RSPH14: variants seen among roughly 807,000 people sequenced by gnomAD.
RSPH14 encodes rhabdoid tumor deletion region gene 1.
A neutral mutation model predicts 26.7 loss-of-function variants in RSPH14; 20 were observed. That is an observed-to-expected ratio of 0.75 (90% CI 0.53 to 1.09). The LOEUF (loss-of-function observed/expected upper bound fraction) is 1.09, where lower values mean the gene tolerates loss of function less well. RSPH14 is among the 50% of genes least tolerant of loss of function. RSPH14 has a pLI of 0.00. For missense variants in RSPH14, 449 were observed against 457.2 expected, an observed-to-expected ratio of 0.98 and a Z score of 0.16; for synonymous variants, 177 against 189.3, an observed-to-expected ratio of 0.93 and a Z score of 0.53.
intron 4 of RSPH14, chr22:23,123,201 C>T (rs768904384): frequency 4.3e-6 from 7 of 1,613,836 alleles, no homozygotes; most frequent in East Asian, 2.2e-5. Flanking sequence ...AGAGAAGATC[C>T]GCCGCATCCC....
upstream of RSPH14, among the ~76,000 whole-genome samples, chr22:23,142,957 C>T (rs145848566): frequency 6.6e-6 from 1 of 152,320 alleles, no homozygotes; most frequent in African/African-American, 2.4e-5. Context: ...GAAGCCTGAG[C>T]GCTCTGTAAC....
At chr22:23,084,053 T>C (rs1203126905) in intron 4 of RSPH14, among the ~76,000 whole-genome samples, 1 of 152,108 alleles carries the variant, frequency 6.6e-6, no homozygotes, top group Non-Finnish European at 1.5e-5. Flanking sequence ...AGGGGTGAGC[T>C]ATGCAGGCGA....
the RSPH14 span, among the ~76,000 whole-genome samples, chr22:23,178,624 G>C: frequency 6.6e-6 from 1 of 152,232 alleles, no homozygotes; most frequent in Non-Finnish European, 1.5e-5. Context: ...GGCCTGCAGA[G>C]GGCAGCAGTG....
At chr22:23,095,836 C>T in intron 4 of RSPH14, 2 of 1,613,706 alleles carry the variant, frequency 1.2e-6, no homozygotes, top group Non-Finnish European at 1.7e-6. Context: ...CAGGCAAGAG[C>T]ACCATCGTCA....
intron 4 of RSPH14, among the ~76,000 whole-genome samples, chr22:23,106,057 A>G (rs1742318628): frequency 6.6e-6 from 1 of 152,210 alleles, no homozygotes; most frequent in Non-Finnish European, 1.5e-5. Flanking sequence ...TTTCTGTCCC[A>G]GGACTGGGAG....
chr22:23,157,161 T>G, the RSPH14 span, among the ~76,000 whole-genome samples: 1 of 152,114 alleles, frequency 6.6e-6, no homozygotes, highest in Admixed American at 6.5e-5. Context: ...CCCACCTGGC[T>G]CCCCGGAAGT....
chr22:23,109,037 C>T (rs1213187709), intron 4 of RSPH14, among the ~76,000 whole-genome samples: 2 of 152,282 alleles, frequency 1.3e-5, no homozygotes, highest in East Asian at 3.9e-4. Context: ...GCTCCATATC[C>T]GATGTGTCAT....
At chr22:23,066,094 C>T (rs924724994) in intron 4 of RSPH14, among the ~76,000 whole-genome samples, 11 of 152,234 alleles carry the variant, frequency 7.2e-5, no homozygotes, top group South Asian at 2.1e-4. Flanking sequence ...AGCAGGGAGG[C>T]GACAATTTGA....
intron 4 of RSPH14, among the ~76,000 whole-genome samples, chr22:23,130,496 A>AAGAAAGAAAGAAAGAAGGAAAGAAAG (rs67156030): frequency 1.6e-4 from 18 of 110,762 alleles, no homozygotes; most frequent in African/African-American, 6.1e-4. Flanking sequence ...GAAGGAAAGA[A>AAGAAAGAAAGAAAGAAGGAAAGAAAG]AAAGAAAGAA....
chr22:23,104,455 C>T (rs535988841), intron 4 of RSPH14, among the ~76,000 whole-genome samples: 8 of 152,178 alleles, frequency 5.3e-5, no homozygotes, highest in Non-Finnish European at 1.0e-4. Context: ...TGCTTCCCAC[C>T]CCACATCCCC....
At chr22:23,145,660 C>T (rs1169065788), upstream of RSPH14, 3 of 1,277,684 alleles carry the variant, frequency 2.3e-6, no homozygotes, top group Admixed American at 2.6e-5. Context: ...ACTTCCCGCC[C>T]CTATAACTTG....
At chr22:23,112,861 G>C (rs1374200060) in intron 4 of RSPH14, among the ~76,000 whole-genome samples, 1 of 152,196 alleles carries the variant, frequency 6.6e-6, no homozygotes, top group Non-Finnish European at 1.5e-5. Context: ...CAGGAAGGCA[G>C]GGGCCTGGTC....
chr22:23,084,921 C>T (rs542128662), intron 4 of RSPH14, among the ~76,000 whole-genome samples: 3 of 152,342 alleles, frequency 2.0e-5, no homozygotes, highest in East Asian at 3.9e-4. Flanking sequence ...TGACATCGCA[C>T]GTCCAGGTGC....
chr22:23,159,060 G>T, the RSPH14 span: 2 of 1,583,250 alleles, frequency 1.3e-6, no homozygotes, highest in Non-Finnish European at 1.7e-6. Context: ...GAGCCATGGG[G>T]AGGGAGGGAG....
Position 23,067,011 on chromosome 22 carries a change from G to A in RSPH14, c.422-2878C>T, listed in dbSNP as rs529556216. On this transcript the variant is annotated intron_variant, in intron 4 of 6. Transcript: ENST00000216036. ...CTGGAGGTGCACAAAGGGAGGCCCCGGGGAAGCTGGTTCTCATGGATGTGG... is the reference window on the plus strand; with the variant it reads ...CTGGAGGTGCACAAAGGGAGGCCCCAGGGAAGCTGGTTCTCATGGATGTGG... 9.9e-5 allele frequency among the ~76,000 whole-genome samples: 15 copies of A among 152,266 alleles called. No individual in the cohort carries two copies. The South Asian group carries it at 2.3e-3, about 23-fold the overall frequency.
intron 4 of RSPH14, among the ~76,000 whole-genome samples, chr22:23,114,726 G>T (rs959813625): frequency 3.3e-5 from 5 of 152,178 alleles, no homozygotes; most frequent in African/African-American, 1.2e-4. Context: ...TTGGAGGGGG[G>T]ACAGGTTCAG....
chr22:23,122,919 G>T, intron 4 of RSPH14, among the ~76,000 whole-genome samples: 1 of 152,216 alleles, frequency 6.6e-6, no homozygotes, highest in East Asian at 1.9e-4. Flanking sequence ...TCCGTGGGAG[G>T]TGGGTGAAGA....
chr22:23,073,108 G>A (rs776966609), intron 4 of RSPH14, among the ~76,000 whole-genome samples: 2 of 152,218 alleles, frequency 1.3e-5, no homozygotes, highest in Non-Finnish European at 2.9e-5. Context: ...TCTGTCCCAC[G>A]CTAGCCTCAG....
the RSPH14 span, chr22:23,157,913 G>A: frequency 6.2e-7 from 1 of 1,600,632 alleles, no homozygotes; most frequent in South Asian, 1.1e-5. Context: ...AGTTCCTTGG[G>A]AGCTGGGCAC....
Sources: allele counts gnomAD v4.1 joint callset (sites outside exome capture counted in the v4.1 genomes callset), GRCh38; gene constraint gnomAD v4.1.1; transcripts MANE v1.5; gene names NCBI Gene and HGNC (gene_info 2026-07-23, HGNC 2026-07-21).